Variants in TTPA observed in about 807,000 individuals in gnomAD.
TTPA encodes the protein alpha-tocopherol transfer protein.
A neutral mutation model predicts 25.9 loss-of-function variants in TTPA; 23 were observed. That is an observed-to-expected ratio of 0.89 (90% confidence interval 0.64 to 1.26). TTPA has a LOEUF of 1.26. Ranked by LOEUF, TTPA falls within the 50% of genes most tolerant of loss-of-function variation. The pLI is 0.00. For missense variants in TTPA, 337 were observed against 353.1 expected, an observed-to-expected ratio of 0.95 and a Z score of 0.37; for synonymous variants, 148 against 137.3, an observed-to-expected ratio of 1.08 and a Z score of -0.54.
At chr8:63,075,589 C>T (rs1384908590) in intron 1 of TTPA, among the ~76,000 whole-genome samples, 1 of 151,226 alleles carries the variant, frequency 6.6e-6, no homozygotes. Context: ...GTGGTGCGTG[C>T]TCAGGAGGCT....
intron 1 of TTPA, 94 bp from the exon 2 acceptor site, chr8:63,073,182 G>T: frequency 9.6e-7 from 1 of 1,036,724 alleles, no homozygotes; most frequent in Non-Finnish European, 1.4e-6. Context: ...TATAAACTTT[G>T]CCATCCATTA....
At chr8:63,076,264 TA>T (rs1396822904) in intron 1 of TTPA, among the ~76,000 whole-genome samples, 1 of 152,182 alleles carries the variant, frequency 6.6e-6, no homozygotes, top group Admixed American at 6.5e-5. Flanking sequence ...GATTATATAA[TA>T]AAACCTTATT....
intron 1 of TTPA, among the ~76,000 whole-genome samples, chr8:63,076,328 G>A (rs1442486164): frequency 6.7e-6 from 1 of 149,244 alleles, no homozygotes; most frequent in Non-Finnish European, 1.5e-5. Context: ...ATTTCATTGT[G>A]ACTGAGGCAC....
chr8:63,080,733 A>T (rs60693564), intron 1 of TTPA, among the ~76,000 whole-genome samples: 7,448 of 146,756 alleles, frequency 0.051, 324 homozygotes, highest in African/African-American at 0.11. Flanking sequence ...AAAAAAAAAA[A>T]AATAAATAAT....
intron 3 of TTPA, among the ~76,000 whole-genome samples, chr8:63,065,152 T>C (rs1805369402): frequency 6.6e-6 from 1 of 152,240 alleles, no homozygotes; most frequent in Non-Finnish European, 1.5e-5. Context: ...TTTACTTCTT[T>C]ACTGAAATTG....
chr8:63,067,878 G>A (rs974124366), intron 2 of TTPA, among the ~76,000 whole-genome samples: 9 of 152,064 alleles, frequency 5.9e-5, no homozygotes, highest in Non-Finnish European at 1.2e-4. Context: ...TTCGTTTTCT[G>A]TTCCTGTTTT....
rs1254215003 is a variant in TTPA, at chr8:63,066,044, T to C, written c.412A>G (p.Ile138Val). The change falls in exon 3 of 5, where the codon ATC (isoleucine) becomes GTC (valine). Residue 138 changes from isoleucine to valine, a missense_variant. Physicochemically the swap from Ile to Val is conservative, Grantham distance 29. Coordinates refer to ENST00000260116, the MANE Select transcript of TTPA (RefSeq NM_000370.3). The part of the protein sequence containing the change: ...TAYDVFRVSL[I>V]TSELIVQEVE... The stretch of plus-strand genomic sequence containing the variant: ...TCCTGTACAATAAGCTCGGATGTGA[T>C]TAGACTTACTCGAAATACGTCATAA... 4 of 1,613,924 alleles carry C rather than the reference T, an allele frequency of 2.5e-6. No individual in the cohort carries two copies. In the South Asian group the frequency reaches 4.4e-5, roughly 18 times the overall value.
chr8:63,084,869 T>G lies in TTPA; in HGVS notation c.204+949A>C, dbSNP rs1805723357. Reference sequence around the variant, plus strand: ...TAGCCATTCTTTTGTTTCTTTACATTCTTAATAAAGTTGCTTTCACTCTAA... The same window carrying G: ...TAGCCATTCTTTTGTTTCTTTACATGCTTAATAAAGTTGCTTTCACTCTAA... On this transcript the variant is annotated intron_variant, in intron 1 of 4. Coordinates refer to ENST00000260116, the MANE Select transcript of TTPA (RefSeq NM_000370.3). 2.0e-5 allele frequency among the ~76,000 whole-genome samples: 3 copies of G among 152,208 alleles called. No homozygotes were observed. The South Asian group carries it at 6.2e-4, about 31-fold the overall frequency.
chr8:63,063,858 A>G (rs1003898254), intron 4 of TTPA, among the ~76,000 whole-genome samples: 23 of 151,744 alleles, frequency 1.5e-4, no homozygotes, highest in African/African-American at 5.1e-4. Context: ...TGCTGCTGTG[A>G]CTCCTCTAGC....
Position 63,065,996 on chromosome 8 carries a change from T to C in TTPA, c.460A>G (p.Ile154Val). Residue 154 changes from isoleucine (I) to valine (V), a missense_variant, in exon 3 of 5, where the codon ATC becomes GTC. Physicochemically the swap from Ile to Val is conservative, Grantham distance 29. Coordinates refer to ENST00000260116, the MANE Select transcript of TTPA (RefSeq NM_000370.3). ...CCTTCCAGATCAAAGATAGCCTTGA[T>C]TCCATTCCGCTGAGTTTCTACCTCC... ...VQEVETQRNG[I>V]KAIFDLEGWQ... is the part of the protein sequence containing the mutation. The C allele has an allele frequency of 6.2e-7, 1 of 1,614,106 alleles. No homozygotes were observed. The highest frequency in any genetic ancestry group is 1.3e-5 in the African/African-American group (1 of 75,064).
At position 63,064,236 on chromosome 8, in the gene TTPA, T is replaced by C; in HGVS notation, c.633A>G (p.Lys211=). ...CCTTAATTTTTTCAGTCAGGAATGG[T>C]TTGATCATGGAAAAGACAGCATGGA... ...VIFHAVFSMI[K]PFLTEKIKER... is the part of the protein sequence containing the mutation. Residue 211 remains lysine, a synonymous_variant, in exon 4 of 5, where the codon AAA becomes AAG. Transcript: ENST00000260116. 6.2e-7 allele frequency: 1 copy of C among 1,613,020 alleles called. No individual in the cohort carries two copies. Among genetic ancestry groups the C allele is most frequent in the Non-Finnish European group, 8.5e-7 (1 of 1,179,386 alleles).
At chr8:63,073,772 CTT>C (rs1365078571) in intron 1 of TTPA, among the ~76,000 whole-genome samples, 1 of 152,072 alleles carries the variant, frequency 6.6e-6, no homozygotes, top group Non-Finnish European at 1.5e-5. Context: ...TGAAACACCA[CTT>C]TTAGTATTTT....
At chr8:63,078,022 C>T (rs1043951483) in intron 1 of TTPA, among the ~76,000 whole-genome samples, 1 of 152,224 alleles carries the variant, frequency 6.6e-6, no homozygotes, top group Non-Finnish European at 1.5e-5. Context: ...GCAGCCTTCG[C>T]TGGTGACACC....
intron 1 of TTPA, among the ~76,000 whole-genome samples, chr8:63,078,572 G>A (rs1309973460): frequency 6.6e-6 from 1 of 152,132 alleles, no homozygotes; most frequent in African/African-American, 2.4e-5. Flanking sequence ...TCCATCAAGT[G>A]GAAAGAAGGG....
downstream of TTPA, among the ~76,000 whole-genome samples, chr8:63,058,525 T>C (rs1006301846): frequency 3.3e-5 from 5 of 152,244 alleles, no homozygotes; most frequent in Non-Finnish European, 4.4e-5. Flanking sequence ...ACTTCTGGCA[T>C]AATCACTAAA....
Position 63,060,653 on chromosome 8 carries a change from G to C in TTPA, c.*599C>G, listed in dbSNP as rs986537749. ...CTCACTACTGCACTCTAGCCTGGGC[G>C]ACAGAGCAAGACTCTGTCTGAAAAA... On this transcript the variant is annotated 3_prime_UTR_variant, in exon 5 of 5. Coordinates refer to ENST00000260116, the MANE Select transcript of TTPA (RefSeq NM_000370.3). The C allele has an allele frequency of 6.7e-6, 1 of 148,260 alleles. No homozygotes were observed. The highest frequency in any genetic ancestry group is 2.6e-5 in the African/African-American group (1 of 38,434). 9.2% of individuals were successfully genotyped at this position (148,260 alleles called of 1,614,324 possible). A position where few individuals can be genotyped will look rare whatever the true frequency, so the allele number is the denominator to read the frequency against.
At position 63,078,380 on chromosome 8, in the gene TTPA, A is replaced by AAACTT. The variant is rs58794814; in HGVS notation, c.205-5297_205-5293dup. On this transcript the variant is annotated intron_variant, in intron 1 of 4. Transcript: ENST00000260116. ...TAGGCTTCACAAGGTCAGTAATAAC[A>AAACTT]AACTTGTCTGAGCTAAAGGAGCATG... 2.8e-3 allele frequency among the ~76,000 whole-genome samples: 432 copies of AAACTT among 152,332 alleles called. 2 individuals are homozygous for AAACTT. The highest frequency in any genetic ancestry group is 9.8e-3 in the African/African-American group (406 of 41,570).
intron 4 of TTPA, 143 bp from the exon 5 acceptor site, chr8:63,061,568 A>T (rs558330708): frequency 2.8e-6 from 2 of 718,462 alleles, no homozygotes; most frequent in East Asian, 2.7e-5. Context: ...TCTGGTTATG[A>T]ATCTAATAAT....
chr8:63,059,327 C>T (rs1264389753), downstream of TTPA, among the ~76,000 whole-genome samples: 11 of 151,722 alleles, frequency 7.3e-5, no homozygotes, highest in African/African-American at 2.4e-4. Context: ...CCACCGCGCC[C>T]GGCCCAGGGT....
Sources: allele counts gnomAD v4.1 joint callset (sites outside exome capture counted in the v4.1 genomes callset), GRCh38; gene constraint gnomAD v4.1.1; transcripts MANE v1.5; gene names NCBI Gene and HGNC (gene_info 2026-07-23, HGNC 2026-07-21).